The following PCLO variants were observed in gnomAD, a reference collection of about 807,000 sequenced individuals.
PCLO encodes the protein piccolo presynaptic cytomatrix protein, also known as protein piccolo.
A neutral mutation model predicts 427.5 loss-of-function variants in PCLO; 82 were observed. The observed-to-expected ratio is 0.19, with a 90% confidence interval of 0.16 to 0.23. PCLO has a LOEUF of 0.23. PCLO is among the 10% of genes least tolerant of loss of function. The pLI is 1.00. For synonymous variants in PCLO, 2,357 were observed against 2,155.4 expected (o/e 1.09, Z -2.59); for missense variants, 6,239 against 6,115.9 (o/e 1.02, Z -0.67).
chr7:82,762,324 G>A (rs549503888), intron 22 of PCLO, among the ~76,000 whole-genome samples: 1 of 152,164 alleles, frequency 6.6e-6, no homozygotes, highest in East Asian at 1.9e-4. Context: ...ATTCCAGAGA[G>A]AAGGAACAGT....
At position 82,956,675 on chromosome 7, in the gene PCLO, T is replaced by C; in HGVS notation, c.4278A>G (p.Thr1426=). 1 of 1,613,880 alleles carries C rather than the reference T, an allele frequency of 6.2e-7. No individual in the cohort carries two copies. The highest frequency in any genetic ancestry group is 8.5e-7 in the Non-Finnish European group (1 of 1,179,826). The change falls in exon 5 of 25, where the codon ACA becomes ACG. Residue 1426 remains threonine (T), a synonymous_variant. Coordinates refer to ENST00000333891, the MANE Select transcript of PCLO (RefSeq NM_033026.6). ...TCTTTTCTGACTTTTCATCAGCAAG[T>C]GTACTTGCTTGAGCTTCCAAAATAG... ...VLSILEAQAS[T]LADEKSEKKT...
At chr7:82,850,125 T>G (rs1344889408) in intron 10 of PCLO, among the ~76,000 whole-genome samples, 1 of 151,986 alleles carries the variant, frequency 6.6e-6, no homozygotes, top group Admixed American at 6.6e-5. Flanking sequence ...TCTCCTGCCT[T>G]AGGCTCCTGA....
chr7:83,072,195 A>T (rs1021958759), intron 3 of PCLO, among the ~76,000 whole-genome samples: 7 of 152,084 alleles, frequency 4.6e-5, no homozygotes, highest in Non-Finnish European at 7.4e-5. Context: ...ATGCTTCATA[A>T]GAAAAATGTA....
chr7:82,834,293 T>C (rs1393526229), intron 16 of PCLO, among the ~76,000 whole-genome samples: 1 of 152,140 alleles, frequency 6.6e-6, no homozygotes, highest in African/African-American at 2.4e-5. Flanking sequence ...ACAAAACTAA[T>C]TTTGCATATC....
intron 3 of PCLO, among the ~76,000 whole-genome samples, chr7:83,008,384 G>A (rs1402766256): frequency 6.6e-6 from 1 of 151,614 alleles, no homozygotes; most frequent in Non-Finnish European, 1.5e-5. Flanking sequence ...TGTGGGAGTA[G>A]GAATCTAATC....
chr7:82,756,744 A>G lies in PCLO; in HGVS notation c.*1831T>C, dbSNP rs1392911232. 3.3e-5 allele frequency: 5 copies of G among 152,036 alleles called. No homozygotes were observed. The highest frequency in any genetic ancestry group is 1.2e-4 in the African/African-American group (5 of 41,412). The allele number at this position is 152,036 out of a possible 1,614,324, so 9.4% of individuals were successfully genotyped here. A position where few individuals can be genotyped will look rare whatever the true frequency, so the allele number is the denominator to read the frequency against. On this transcript the variant is annotated 3_prime_UTR_variant, in exon 25 of 25. Coordinates refer to ENST00000333891, the MANE Select transcript of PCLO (RefSeq NM_033026.6). ...TAAGCTCAGAATGCTCTGAGAAGCA[A>G]TTTGATTTATTTCTTTTGGGTGGAA...
intron 3 of PCLO, among the ~76,000 whole-genome samples, chr7:83,119,320 G>A (rs1014680786): frequency 3.6e-4 from 55 of 152,132 alleles, no homozygotes; most frequent in Non-Finnish European, 4.6e-4. Context: ...AGCACAGAGA[G>A]AGAGGCTCCT....
chr7:82,979,252 CT>C (rs1796093786), intron 3 of PCLO, among the ~76,000 whole-genome samples: 1 of 152,030 alleles, frequency 6.6e-6, no homozygotes, highest in African/African-American at 2.4e-5. Context: ...GAAGTACTGC[CT>C]GTCCATGGTA....
intron 6 of PCLO, among the ~76,000 whole-genome samples, chr7:82,917,705 C>G (rs1327458413): frequency 6.6e-6 from 1 of 152,004 alleles, no homozygotes; most frequent in Non-Finnish European, 1.5e-5. Context: ...ACATTTACAA[C>G]TAGATCTCAG....
At chr7:82,935,690 A>G (rs1279743487) in intron 6 of PCLO, among the ~76,000 whole-genome samples, 2 of 151,826 alleles carry the variant, frequency 1.3e-5, no homozygotes, top group East Asian at 3.9e-4. Context: ...TTCACAACGC[A>G]GAGTACTAAA....
intron 4 of PCLO, among the ~76,000 whole-genome samples, chr7:82,961,119 G>C (rs1231727911): frequency 6.6e-6 from 1 of 152,128 alleles, no homozygotes; most frequent in African/African-American, 2.4e-5. Flanking sequence ...AGAATAGTAA[G>C]AGGTAAATTA....
intron 3 of PCLO, among the ~76,000 whole-genome samples, chr7:83,060,403 A>T (rs1264180321): frequency 6.6e-6 from 1 of 151,992 alleles, no homozygotes; most frequent in Non-Finnish European, 1.5e-5. Flanking sequence ...CTCATTATTG[A>T]TTACTGTCTG....
intron 10 of PCLO, among the ~76,000 whole-genome samples, chr7:82,862,535 A>T (rs551686967): frequency 6.7e-6 from 1 of 148,394 alleles, no homozygotes; most frequent in South Asian, 2.2e-4. Context: ...AACAGCTAAG[A>T]ATTGGAAGCA....
chr7:83,067,912 T>C (rs1240572591), intron 3 of PCLO, among the ~76,000 whole-genome samples: 1 of 152,264 alleles, frequency 6.6e-6, no homozygotes, highest in African/African-American at 2.4e-5. Flanking sequence ...ACAGCTTACA[T>C]ACTTTCTGTG....
At chr7:82,903,062 C>T (rs1214816505) in intron 8 of PCLO, among the ~76,000 whole-genome samples, 1 of 151,874 alleles carries the variant, frequency 6.6e-6, no homozygotes, top group Non-Finnish European at 1.5e-5. Flanking sequence ...TTGGTGACCT[C>T]GGATATAGAA....
chr7:83,135,668 A>G lies in PCLO; in HGVS notation c.1894-12T>C. The G allele has an allele frequency of 6.5e-7, 1 of 1,528,876 alleles. No homozygotes were observed. Among genetic ancestry groups the G allele is most frequent in the Non-Finnish European group, 8.9e-7 (1 of 1,129,668 alleles). The allele number at this position is 1,528,876 out of a possible 1,614,324, so 94.7% of individuals were successfully genotyped here. A position where few individuals can be genotyped will look rare whatever the true frequency, so the allele number is the denominator to read the frequency against. ...AGCCACTCTTTTACCTACAAATAAT[A>G]TAAAACAATGGTCACCGAGACAATA... On this transcript the variant is annotated splice_polypyrimidine_tract_variant and intron_variant, in intron 2 of 24. Coordinates refer to ENST00000333891, the MANE Select transcript of PCLO (RefSeq NM_033026.6).
At chr7:82,975,062 C>A (rs1483051342) in intron 3 of PCLO, among the ~76,000 whole-genome samples, 3 of 152,138 alleles carry the variant, frequency 2.0e-5, no homozygotes, top group Non-Finnish European at 4.4e-5. Context: ...CAGGCGTGAG[C>A]CACCGTGCCC....
At chr7:83,041,015 A>T (rs1459712224) in intron 3 of PCLO, among the ~76,000 whole-genome samples, 1 of 152,204 alleles carries the variant, frequency 6.6e-6, no homozygotes, top group Non-Finnish European at 1.5e-5. Context: ...TTTAACTTCT[A>T]TGAAATGTCA....
chr7:83,069,387 A>G (rs907639431), intron 3 of PCLO, among the ~76,000 whole-genome samples: 1 of 152,166 alleles, frequency 6.6e-6, no homozygotes, highest in South Asian at 2.1e-4. Context: ...TCTAGAGTCA[A>G]CTGTAATTTG....
Sources: gnomAD v4.1 joint callset for allele counts (sites outside exome capture counted in the v4.1 genomes callset) on GRCh38, gnomAD v4.1.1 for gene constraint, MANE v1.5 for transcripts, NCBI Gene and HGNC (gene_info 2026-07-23, HGNC 2026-07-21) for gene names.